The following CACYBP variants were observed in gnomAD, a reference collection of about 807,000 sequenced individuals.
CACYBP encodes the protein calcyclin-binding protein.
CACYBP carries 11 observed loss-of-function variants against 29.6 expected under a neutral mutation model. The observed-to-expected ratio is 0.37, with a 90% CI of 0.23 to 0.61. The LOEUF (loss-of-function observed/expected upper bound fraction) is 0.61. Among genes scored for constraint, CACYBP ranks in the 20% least tolerant of loss-of-function variants. CACYBP has a pLI of 0.65. For missense variants in CACYBP, 163 were observed against 260.7 expected (o/e 0.63, Z 2.58); for synonymous variants, 73 against 88.3 (o/e 0.83, Z 0.97).
chr1:175,011,106 T>TAAAAAAAAAAAAAAAAA lies in CACYBP; in HGVS notation c.*1032_*1048dup. ...GTAACAGATTGAGAACCTGTCTCAT[T>TAAAAAAAAAAAAAAAAA]AAAAAAAAAAAAAAAAAAAAAGCCG... On this transcript the variant is annotated 3_prime_UTR_variant, in exon 6 of 6. Coordinates refer to ENST00000367679, the MANE Select transcript of CACYBP (RefSeq NM_014412.3). 1.2e-5 allele frequency: 1 copy of TAAAAAAAAAAAAAAAAA among 85,220 alleles called. No individual in the cohort carries two copies. The highest frequency in any genetic ancestry group is 2.3e-5 in the Non-Finnish European group (1 of 43,032). The allele number at this position is 85,220 out of a possible 1,614,324, so 5.3% of individuals were successfully genotyped here.
intron 1 of CACYBP, among the ~76,000 whole-genome samples, chr1:175,003,183 A>G (rs1330128766): frequency 6.7e-6 from 1 of 150,280 alleles, no homozygotes; most frequent in Admixed American, 6.6e-5. Flanking sequence ...CAATGGCGCG[A>G]TCTCGGGTCA....
rs1178245157 is a variant in CACYBP at position 175,010,871 on chromosome 1, A to T, written c.*792A>T. ...CAGGCTTTTAGTAGGAATTACTCCTATTCCCCCTGAAGTCAGGACCAGTGC... is the reference window on the plus strand; with the variant it reads ...CAGGCTTTTAGTAGGAATTACTCCTTTTCCCCCTGAAGTCAGGACCAGTGC... On this transcript the variant is annotated 3_prime_UTR_variant, in exon 6 of 6. Coordinates refer to ENST00000367679, the MANE Select transcript of CACYBP (RefSeq NM_014412.3). 5 of 152,184 alleles carry T rather than the reference A, an allele frequency of 3.3e-5. No individual in the cohort carries two copies. The highest frequency in any genetic ancestry group is 6.6e-5 in the Admixed American group (1 of 15,266). 9.4% of individuals were successfully genotyped at this position (152,184 alleles called of 1,614,324 possible). A position where few individuals can be genotyped will look rare whatever the true frequency, so the allele number is the denominator to read the frequency against.
chr1:175,008,656 C>A lies in CACYBP; in HGVS notation c.480C>A (p.Asn160Lys), dbSNP rs1200553631. ...VLILCRKKVE[N>K]TRWDYLTQVE... ...TATTGTGTAGAAAGAAAGTGGAAAA[C>A]ACAAGGTGGGATTACCTGACCCAGG... The change falls in exon 5 of 6, where the codon AAC becomes AAA. Residue 160 changes from asparagine (N) to lysine (K), a missense_variant. Physicochemically the swap from Asn to Lys is moderately conservative, Grantham distance 94 (BLOSUM62 0). Transcript: ENST00000367679. 2.5e-6 allele frequency: 4 copies of A among 1,598,468 alleles called. No homozygotes were observed.
chr1:175,001,176 T>C (rs1212813787), intron 1 of CACYBP, among the ~76,000 whole-genome samples: 1 of 152,188 alleles, frequency 6.6e-6, no homozygotes, highest in Non-Finnish European at 1.5e-5. Context: ...TCTTTTAAGG[T>C]AGGTCTTGGG....
intron 1 of CACYBP, chr1:175,000,599 G>C: frequency 9.1e-7 from 1 of 1,098,984 alleles, no homozygotes; most frequent in Non-Finnish European, 1.1e-6. Flanking sequence ...GCGGTTGGAA[G>C]GTGAGTTCTC....
chr1:175,001,903 G>A (rs1452674340), intron 1 of CACYBP, among the ~76,000 whole-genome samples: 3 of 152,040 alleles, frequency 2.0e-5, no homozygotes, highest in Non-Finnish European at 4.4e-5. Flanking sequence ...CACCATGCCC[G>A]GCTAATTTTT....
chr1:175,002,583 C>T (rs935133872), intron 1 of CACYBP, among the ~76,000 whole-genome samples: 2 of 152,190 alleles, frequency 1.3e-5, no homozygotes, highest in African/African-American at 4.8e-5. Flanking sequence ...CAAACACATG[C>T]CAAGAAGGCA....
chr1:175,006,898 T>A (rs1400914307), intron 3 of CACYBP, 57 bp downstream of exon 3: 15 of 993,956 alleles, frequency 1.5e-5, no homozygotes, highest in Non-Finnish European at 2.4e-5. Flanking sequence ...TTGCCTTATC[T>A]TGAGACTCTC....
chr1:175,006,197 A>G (rs970273960), intron 2 of CACYBP, among the ~76,000 whole-genome samples: 4 of 152,180 alleles, frequency 2.6e-5, no homozygotes, highest in African/African-American at 9.7e-5. Context: ...ACATACTGAA[A>G]TGGCATTTAA....
At chr1:175,009,170 C>T (rs1672686644) in intron 5 of CACYBP, among the ~76,000 whole-genome samples, 1 of 152,106 alleles carries the variant, frequency 6.6e-6, no homozygotes, top group South Asian at 2.1e-4. Flanking sequence ...GACCCAGGCC[C>T]AGATCTGTGT....
intron 2 of CACYBP, among the ~76,000 whole-genome samples, chr1:175,005,900 T>C (rs944458053): frequency 9.2e-5 from 14 of 152,142 alleles, no homozygotes; most frequent in African/African-American, 3.4e-4. Flanking sequence ...CTTTTTAATT[T>C]TCGAGGGTAC....
chr1:175,005,729 G>T (rs1027893031), intron 2 of CACYBP, among the ~76,000 whole-genome samples: 3 of 152,192 alleles, frequency 2.0e-5, no homozygotes, highest in Non-Finnish European at 2.9e-5. Flanking sequence ...TAGGAAACTG[G>T]TCTGAAGGTG....
At chr1:174,999,769 A>G (rs536236832), upstream of CACYBP, 1 of 300,578 alleles carries the variant, frequency 3.3e-6, no homozygotes, top group East Asian at 1.2e-4. Flanking sequence ...GTCAAATTAT[A>G]ATACATAAAA....
chr1:175,000,614 C>G (rs1483106381), intron 1 of CACYBP: 12 of 1,065,626 alleles, frequency 1.1e-5, no homozygotes, highest in Non-Finnish European at 9.1e-6. Flanking sequence ...GTTCTCAGTG[C>G]TAGCACTTGA....
chr1:175,006,070 T>G (rs900404512), intron 2 of CACYBP, among the ~76,000 whole-genome samples: 2 of 152,218 alleles, frequency 1.3e-5, no homozygotes, highest in Admixed American at 6.5e-5. Context: ...GAAGATGCTT[T>G]TTTGTGAAGT....
Position 175,011,236 on chromosome 1 carries a change from T to TATAGG in CACYBP, c.*1162_*1166dup, listed in dbSNP as rs1672747811. ...ATTTAAAATACAGAAACAGTTTATG[T>TATAGG]ATAGGATAGCTATAAGTAAATACTG... On this transcript the variant is annotated 3_prime_UTR_variant, in exon 6 of 6. Coordinates refer to ENST00000367679, the MANE Select transcript of CACYBP (RefSeq NM_014412.3). 1 of 152,044 alleles carries TATAGG rather than the reference T, an allele frequency of 6.6e-6. No homozygotes were observed. The highest frequency in any genetic ancestry group is 1.5e-5 in the Non-Finnish European group (1 of 68,018). The allele number at this position is 152,044 out of a possible 1,614,324, so 9.4% of individuals were successfully genotyped here.
chr1:175,008,728 T>A (rs765577153), intron 5 of CACYBP, 22 bp downstream of exon 5: 19 of 1,102,866 alleles, frequency 1.7e-5, no homozygotes, highest in Middle Eastern at 3.9e-4. Context: ...TCCATTTTTT[T>A]AAAGAATTTT....
At chr1:175,000,865 A>G (rs1028111728) in intron 1 of CACYBP, among the ~76,000 whole-genome samples, 1 of 152,226 alleles carries the variant, frequency 6.6e-6, no homozygotes, top group African/African-American at 2.4e-5. Flanking sequence ...AAGCTCTGTA[A>G]ACTCTGAACG....
chr1:175,007,981 TACTC>T (rs1166752199), intron 4 of CACYBP, among the ~76,000 whole-genome samples: 2 of 152,218 alleles, frequency 1.3e-5, no homozygotes, highest in African/African-American at 4.8e-5. Flanking sequence ...TTACAGGTGA[TACTC>T]AAATATAGTT....
Sources: gnomAD v4.1 joint callset for allele counts (sites outside exome capture counted in the v4.1 genomes callset) on GRCh38, gnomAD v4.1.1 for gene constraint, MANE v1.5 for transcripts, NCBI Gene and HGNC (gene_info 2026-07-23, HGNC 2026-07-21) for gene names.